KCNQ1: variants seen among roughly 807,000 people sequenced by gnomAD.
KCNQ1 encodes the protein potassium voltage-gated channel subfamily KQT member 1.
A neutral mutation model predicts 72.4 loss-of-function variants in KCNQ1; 49 were observed. The ratio of observed to expected loss-of-function variants is 0.68; its 90% CI spans 0.54 to 0.86. The LOEUF (loss-of-function observed/expected upper bound fraction) is 0.86. Ranked by LOEUF, KCNQ1 falls within the 40% of genes least tolerant of loss-of-function variation. The probability of loss-of-function intolerance (pLI) is 0.00; values close to 1 mark genes in which losing one functional copy is unlikely to be tolerated. For missense variants in KCNQ1, 790 were observed against 945.1 expected, an observed-to-expected ratio of 0.84 and a Z score of 2.15; for synonymous variants, 450 against 412.6, an observed-to-expected ratio of 1.09 and a Z score of -1.10.
At chr11:2,517,143 GC>G in intron 1 of KCNQ1, among the ~76,000 whole-genome samples, 1 of 152,200 alleles carries the variant, frequency 6.6e-6, no homozygotes, top group Non-Finnish European at 1.5e-5. Context: ...CTTGGTAGGT[GC>G]CAGGCGGGGC....
rs1849776689 is a variant in KCNQ1 at position 2,652,741 on chromosome 11, T to C, written c.1394-9220T>C. ...GCTCACTCACGCTCAGGGTTGACCC[T>C]GTCCTGGCTCTGTCACTGCCTGTCT... On this transcript the variant is annotated intron_variant, in intron 10 of 15. Coordinates refer to ENST00000155840, the MANE Select transcript of KCNQ1 (RefSeq NM_000218.3). This position sits in a 1 kb window ranked among gnomAD's most constrained non-coding sequence, Gnocchi z 5.9. The C allele has an allele frequency of 2.5e-6, 1 of 398,916 alleles. No individual in the cohort carries two copies. Among genetic ancestry groups the C allele is most frequent in the East Asian group, 3.6e-5 (1 of 28,080 alleles). The allele number at this position is 398,916 out of a possible 1,614,324, so 24.7% of individuals were successfully genotyped here.
chr11:2,833,022 C>G (rs760635577), intron 15 of KCNQ1, among the ~76,000 whole-genome samples: 3 of 152,192 alleles, frequency 2.0e-5, no homozygotes, highest in African/African-American at 4.8e-5. Flanking sequence ...AGCTGCTGTT[C>G]CCTGCTCAGG....
chr11:2,827,671 C>T lies in KCNQ1; in HGVS notation c.1795-20096C>T, dbSNP rs2134063971. 6.6e-6 allele frequency among the ~76,000 whole-genome samples: 1 copy of T among 151,194 alleles called. No homozygotes were observed. Among genetic ancestry groups the T allele is most frequent in the Admixed American group, 6.6e-5 (1 of 15,212 alleles). On this transcript the variant is annotated intron_variant, in intron 15 of 15. Transcript: ENST00000155840. This position sits in a 1 kb window ranked among gnomAD's most constrained non-coding sequence, Gnocchi z 6.7. ...GGGCGGGGGAGAGCGGCTATGGAGA[C>T]AAGTGGCTGTTTTGCCAGAGGGAAA...
At chr11:2,820,369 C>T (rs116379026) in intron 15 of KCNQ1, among the ~76,000 whole-genome samples, 38 of 152,214 alleles carry the variant, frequency 2.5e-4, no homozygotes, top group African/African-American at 8.7e-4. Flanking sequence ...CCATCTGTTG[C>T]TATTTTTATT....
At chr11:2,467,862 G>C (rs894997251) in intron 1 of KCNQ1, among the ~76,000 whole-genome samples, 3 of 152,212 alleles carry the variant, frequency 2.0e-5, no homozygotes, top group African/African-American at 7.2e-5. Flanking sequence ...GGATGGCATG[G>C]GCCACCCGCA....
intron 1 of KCNQ1, among the ~76,000 whole-genome samples, chr11:2,496,185 C>G (rs1027584423): frequency 3.9e-5 from 6 of 151,926 alleles, no homozygotes; most frequent in African/African-American, 1.4e-4. Flanking sequence ...GCCTGTAATC[C>G]CAGCACTTTG....
rs921317219 is a variant in KCNQ1 at position 2,579,669 on chromosome 11, C to G, written c.922-3766C>G. ...AGGCGAAGGTGGGGTCCTGGAGCTG[C>G]GTCCTGCTGTATGTGTGCTCTCCAC... is the stretch of plus-strand genomic sequence containing the variant. On this transcript the variant is annotated intron_variant, in intron 6 of 15. Transcript: ENST00000155840. This position sits in a 1 kb window ranked among gnomAD's most constrained non-coding sequence, Gnocchi z 6.0. Among the ~76,000 whole-genome samples the G allele has an allele frequency of 1.3e-5, 2 of 152,164 alleles. No individual in the cohort carries two copies. The highest frequency in any genetic ancestry group is 2.9e-5 in the Non-Finnish European group (2 of 68,018).
chr11:2,450,894 G>A lies in KCNQ1; in HGVS notation c.386+5410G>A, dbSNP rs67832597. On this transcript the variant is annotated intron_variant, in intron 1 of 15. Coordinates refer to ENST00000155840, the MANE Select transcript of KCNQ1 (RefSeq NM_000218.3). The surrounding 1 kb of genome is among the most constrained non-coding windows in gnomAD (Gnocchi z 7.9). ...CCCAGCCCTCTTCTGGGAGCCCCAC[G>A]TGGGTGGGTGCTGGCTGGGGAGGGG... is the stretch of plus-strand genomic sequence containing the variant. Among the ~76,000 whole-genome samples, 15,550 of 152,212 alleles carry A rather than the reference G, an allele frequency of 0.1. 898 individuals carry two copies. The highest frequency in any genetic ancestry group is 0.15 in the African/African-American group (6,336 of 41,512).
rs1385510427 is a variant in KCNQ1 at position 2,516,589 on chromosome 11, G to T, written c.387-11339G>T. Among the ~76,000 whole-genome samples, 5 of 152,066 alleles carry T rather than the reference G, an allele frequency of 3.3e-5. No individual in the cohort carries two copies. The highest frequency in any genetic ancestry group is 6.5e-5 in the Admixed American group (1 of 15,270). ...TTGGGTGCTCCTGATTGTGTAGCGG[G>T]TCCCCTGAAACCAACACACAGGTGC... On this transcript the variant is annotated intron_variant, in intron 1 of 15. Coordinates refer to ENST00000155840, the MANE Select transcript of KCNQ1 (RefSeq NM_000218.3). The surrounding 1 kb of genome is among the most constrained non-coding windows in gnomAD (Gnocchi z 7.0).
chr11:2,787,126 G>A lies in KCNQ1; in HGVS notation c.1794+9089G>A, dbSNP rs1846930160. Among the ~76,000 whole-genome samples, 3 of 152,076 alleles carry A rather than the reference G, an allele frequency of 2.0e-5. No individual in the cohort carries two copies. Among genetic ancestry groups the A allele is most frequent in the Admixed American group, 2.0e-4 (3 of 15,264 alleles). On this transcript the variant is annotated intron_variant, in intron 15 of 15. Transcript: ENST00000155840. The surrounding 1 kb of genome is among the most constrained non-coding windows in gnomAD (Gnocchi z 6.3). ...TAATTCTAGGCTCAAAGTTTTCTAG[G>A]CCACTTAGGTAGTATGAATTCAAGC...
At chr11:2,681,867 G>A (rs1009454021) in intron 11 of KCNQ1, 3 of 398,464 alleles carry the variant, frequency 7.5e-6, no homozygotes, top group African/African-American at 4.1e-5. Flanking sequence ...AGGAGGCCCA[G>A]CACTACCATC....
At chr11:2,527,622 G>C (rs914397382) in intron 1 of KCNQ1, among the ~76,000 whole-genome samples, 7 of 152,346 alleles carry the variant, frequency 4.6e-5, no homozygotes, top group East Asian at 3.9e-4. Flanking sequence ...GCTGTCCAGG[G>C]CGTAGCCACA....
At chr11:2,542,645 T>TG (rs1298399483) in intron 2 of KCNQ1, among the ~76,000 whole-genome samples, 1 of 152,226 alleles carries the variant, frequency 6.6e-6, no homozygotes, top group Non-Finnish European at 1.5e-5. Context: ...AGGGGACCCC[T>TG]GGTCTGTCTT....
At chr11:2,825,860 G>A (rs466280) in intron 15 of KCNQ1, among the ~76,000 whole-genome samples, 1 of 152,146 alleles carries the variant, frequency 6.6e-6, no homozygotes, top group Admixed American at 6.5e-5. Flanking sequence ...GAGAGAGGCA[G>A]GGCAACCCCT....
rs181370527 is a variant in KCNQ1 at position 2,705,969 on chromosome 11, G to A, written c.1514+43888G>A. On this transcript the variant is annotated intron_variant, in intron 11 of 15. Transcript: ENST00000155840. ...GGGTGCAGAGTCATTGGCAGTAAAG[G>A]TCCTTAGAGAACCTGAAGAGAATAT... Among the ~76,000 whole-genome samples, 356 of 152,274 alleles carry A rather than the reference G, an allele frequency of 2.3e-3. 3 individuals carry two copies. Among genetic ancestry groups the A allele is most frequent in the Middle Eastern group, 0.021 (6 of 290 alleles).
chr11:2,640,513 T>A lies in KCNQ1; in HGVS notation c.1394-21448T>A, dbSNP rs561169787. The A allele has an allele frequency of 5.5e-5, 22 of 397,942 alleles. No homozygotes were observed. In the East Asian group the frequency reaches 7.8e-4, roughly 14 times the overall value. The allele number at this position is 397,942 out of a possible 1,614,324, so 24.7% of individuals were successfully genotyped here. A position where few individuals can be genotyped will look rare whatever the true frequency, so the allele number is the denominator to read the frequency against. ...GTTGCCCAGGCTGGTCTTGAATTCC[T>A]GGGCTCAAGCGATCCTTCTGCCTTG... is the stretch of plus-strand genomic sequence containing the variant. On this transcript the variant is annotated intron_variant, in intron 10 of 15. Transcript: ENST00000155840.
chr11:2,545,745 G>C (rs1228671349), intron 2 of KCNQ1, among the ~76,000 whole-genome samples: 1 of 152,122 alleles, frequency 6.6e-6, no homozygotes, highest in East Asian at 1.9e-4. Context: ...GTGGGCTTTG[G>C]TATTTTGTGT....
In KCNQ1 at chr11:2,588,976, A is replaced by G. The variant is rs1848635273; in HGVS notation, c.1393+122A>G. The G allele has an allele frequency of 4.2e-6, 5 of 1,184,474 alleles. No homozygotes were observed. Among genetic ancestry groups the G allele is most frequent in the Non-Finnish European group, 6.0e-6 (5 of 828,200 alleles). The allele number at this position is 1,184,474 out of a possible 1,614,324, so 73.4% of individuals were successfully genotyped here. On this transcript the variant is annotated intron_variant, in intron 10 of 15. Transcript: ENST00000155840. This position sits in a 1 kb window ranked among gnomAD's most constrained non-coding sequence, Gnocchi z 5.6. ...TGGTCTCTGACAACGAGGTATGAAC[A>G]GACAGAGGGTGGAGCTTCTAGAAAC...
intron 2 of KCNQ1, among the ~76,000 whole-genome samples, chr11:2,561,225 A>G (rs1589951485): frequency 6.6e-6 from 1 of 151,140 alleles, no homozygotes; most frequent in Non-Finnish European, 1.5e-5. Context: ...AGAAAAAAAG[A>G]AAAAAAAGGA....
Sources: gnomAD v4.1 joint callset for allele counts (sites outside exome capture counted in the v4.1 genomes callset) on GRCh38, gnomAD v4.1.1 for gene constraint, Gnocchi (gnomAD v3.1) non-coding constraint, MANE v1.5 for transcripts, NCBI Gene and HGNC (gene_info 2026-07-23, HGNC 2026-07-21) for gene names.